NEK11: variants seen among roughly 807,000 people sequenced by gnomAD.
The protein encoded by NEK11 is NIMA related kinase 11.
A neutral mutation model predicts 80.7 loss-of-function variants in NEK11; 72 were observed. The ratio of observed to expected loss-of-function variants is 0.89; its 90% CI spans 0.74 to 1.08. The LOEUF (loss-of-function observed/expected upper bound fraction) is 1.08, where lower values mean the gene tolerates loss of function less well. Among genes scored for constraint, NEK11 ranks in the 50% least tolerant of loss-of-function variants. The pLI, the probability that NEK11 is intolerant of heterozygous loss-of-function variation, is 0.00. For missense variants in NEK11, 764 were observed against 763.6 expected, an observed-to-expected ratio of 1.00 and a Z score of -0.01; for synonymous variants, 251 against 260.7, an observed-to-expected ratio of 0.96 and a Z score of 0.36.
intron 11 of NEK11, 90 bp downstream of exon 11, chr3:131,162,617 G>A (rs2091764522): frequency 2.0e-6 from 3 of 1,482,074 alleles, no homozygotes. Flanking sequence ...ACCAAAACAG[G>A]AAACCCCAAT....
At chr3:131,283,130 A>G (rs1345175488) in intron 17 of NEK11, among the ~76,000 whole-genome samples, 2 of 152,182 alleles carry the variant, frequency 1.3e-5, no homozygotes, top group African/African-American at 4.8e-5. Context: ...CTACACTTCA[A>G]ATAGAAGTGT....
intron 15 of NEK11, among the ~76,000 whole-genome samples, chr3:131,240,760 GAC>G (rs2108057284): frequency 6.6e-6 from 1 of 152,196 alleles, no homozygotes; most frequent in Admixed American, 6.5e-5. Flanking sequence ...ATAATGAAGT[GAC>G]ACAGTTTTTT....
chr3:131,167,377 A>G (rs1457022257), intron 12 of NEK11, among the ~76,000 whole-genome samples: 1 of 152,220 alleles, frequency 6.6e-6, no homozygotes, highest in Non-Finnish European at 1.5e-5. Flanking sequence ...TAAAATCTAA[A>G]TGACTTCATT....
At chr3:131,225,150 G>T (rs1229723579) in intron 14 of NEK11, among the ~76,000 whole-genome samples, 1 of 152,152 alleles carries the variant, frequency 6.6e-6, no homozygotes, top group Non-Finnish European at 1.5e-5. Flanking sequence ...GCCCTGTACA[G>T]ATGTGCCATT....
chr3:131,261,157 C>A (rs2095911680), intron 16 of NEK11, among the ~76,000 whole-genome samples: 1 of 152,208 alleles, frequency 6.6e-6, no homozygotes, highest in Admixed American at 6.5e-5. Flanking sequence ...GGGAAAATAA[C>A]TTTGCTGGTG....
chr3:131,098,602 GTC>G (rs2077852538), intron 4 of NEK11, among the ~76,000 whole-genome samples: 1 of 147,060 alleles, frequency 6.8e-6, no homozygotes, highest in Non-Finnish European at 1.5e-5. Flanking sequence ...TTTAGATGGA[GTC>G]TCACTCTGTT....
At chr3:131,107,339 A>C (rs1051423175) in intron 4 of NEK11, among the ~76,000 whole-genome samples, 1 of 150,838 alleles carries the variant, frequency 6.6e-6, no homozygotes, top group Non-Finnish European at 1.5e-5. Context: ...GTGCACATGT[A>C]CCCTAAAACT....
intron 3 of NEK11, among the ~76,000 whole-genome samples, chr3:131,057,928 A>G (rs1419321184): frequency 4.6e-5 from 7 of 152,108 alleles, no homozygotes; most frequent in South Asian, 2.1e-4. Context: ...TTTTGTTGCC[A>G]TTGGTTTTGG....
At chr3:131,155,664 A>G (rs1157648245) in intron 10 of NEK11, among the ~76,000 whole-genome samples, 1 of 152,204 alleles carries the variant, frequency 6.6e-6, no homozygotes, top group Non-Finnish European at 1.5e-5. Context: ...TTTTTGTTCT[A>G]TAACTTGCAA....
chr3:131,124,987 G>A (rs1178101189), intron 5 of NEK11, among the ~76,000 whole-genome samples: 1 of 152,112 alleles, frequency 6.6e-6, no homozygotes. Context: ...TAGGATTATA[G>A]CATCTGGGGT....
intron 9 of NEK11, among the ~76,000 whole-genome samples, chr3:131,154,552 T>C (rs2090306224): frequency 6.6e-6 from 1 of 152,198 alleles, no homozygotes; most frequent in African/African-American, 2.4e-5. Flanking sequence ...AGTTTTGCTA[T>C]TGTATTCTTT....
intron 14 of NEK11, among the ~76,000 whole-genome samples, chr3:131,207,872 G>T (rs951052887): frequency 2.6e-5 from 4 of 152,158 alleles, no homozygotes; most frequent in Non-Finnish European, 4.4e-5. Flanking sequence ...TTAGCCCTTT[G>T]TCAGATGGGT....
At chr3:131,169,790 A>G (rs1472685187) in intron 13 of NEK11, among the ~76,000 whole-genome samples, 3 of 152,190 alleles carry the variant, frequency 2.0e-5, no homozygotes, top group Non-Finnish European at 4.4e-5. Context: ...AACTCAGCAA[A>G]TCAAAGTTAA....
chr3:131,058,763 T>C (rs948987807), intron 3 of NEK11, among the ~76,000 whole-genome samples: 5 of 152,212 alleles, frequency 3.3e-5, no homozygotes, highest in Non-Finnish European at 7.3e-5. Context: ...TTTTAGCTGC[T>C]AAGATAGTCA....
At chr3:131,073,091 C>T (rs535694773) in intron 3 of NEK11, among the ~76,000 whole-genome samples, 81 of 152,254 alleles carry the variant, frequency 5.3e-4, no homozygotes, top group Admixed American at 1.9e-3. Flanking sequence ...TCCATTTGGA[C>T]GCCAGCTCTA....
chr3:131,301,917 T>G (rs2096665239), intron 17 of NEK11, among the ~76,000 whole-genome samples: 1 of 152,144 alleles, frequency 6.6e-6, no homozygotes, highest in African/African-American at 2.4e-5. Flanking sequence ...TTGGAATAGT[T>G]TCCATAGGAA....
rs547874530 is a variant in NEK11 at position 131,028,696 on chromosome 3, G to C, written c.-97+694G>C. ...CCTGCCTCAGCCTCCCGAGTAGCTGGGACTGCAGGCGCCCGCTACAATGCC... is the reference window on the plus strand; with the variant it reads ...CCTGCCTCAGCCTCCCGAGTAGCTGCGACTGCAGGCGCCCGCTACAATGCC... On this transcript the variant is annotated intron_variant, in intron 2 of 17. Coordinates refer to ENST00000383366, the MANE Select transcript of NEK11 (RefSeq NM_024800.5). 1.3e-3 allele frequency among the ~76,000 whole-genome samples: 197 copies of C among 152,202 alleles called. 1 individual carries two copies. Among genetic ancestry groups the C allele is most frequent in the South Asian group, 9.8e-3 (47 of 4,816 alleles).
At chr3:131,080,025 A>ATG (rs1294335593) in intron 3 of NEK11, among the ~76,000 whole-genome samples, 2 of 104,228 alleles carry the variant, frequency 1.9e-5, no homozygotes, top group East Asian at 4.7e-4. Context: ...ACATATATAT[A>ATG]TGTGTGTGTG....
intron 9 of NEK11, 52 bp downstream of exon 9, chr3:131,152,761 C>G: frequency 8.2e-7 from 1 of 1,223,778 alleles, no homozygotes; most frequent in Non-Finnish European, 1.2e-6. Context: ...TTTGTATACA[C>G]ATTCCATGAC....
Sources: allele counts gnomAD v4.1 joint callset (sites outside exome capture counted in the v4.1 genomes callset), GRCh38; gene constraint gnomAD v4.1.1; transcripts MANE v1.5; gene names NCBI Gene and HGNC (gene_info 2026-07-23, HGNC 2026-07-21).